GRM7: variants seen among roughly 807,000 people sequenced by gnomAD.
GRM7 encodes the protein metabotropic glutamate receptor 7.
In GRM7, 35 loss-of-function variants were observed where a neutral mutation model predicts 84.5. The observed-to-expected ratio is 0.41, with a 90% CI of 0.32 to 0.55. The LOEUF is 0.55. Among genes scored for constraint, GRM7 ranks in the 20% least tolerant of loss-of-function variants. The pLI is 0.19. For missense variants in GRM7, 1,003 were observed against 1,194.6 expected (o/e 0.84, Z 2.36); for synonymous variants, 487 against 455.1 (o/e 1.07, Z -0.89).
At chr3:7,627,158 T>G (rs1697653395) in intron 8 of GRM7, among the ~76,000 whole-genome samples, 1 of 152,178 alleles carries the variant, frequency 6.6e-6, no homozygotes. Flanking sequence ...AAACAGAGAT[T>G]GGAAGAGCTA....
At chr3:7,545,014 T>C (rs1377468051) in intron 7 of GRM7, among the ~76,000 whole-genome samples, 3 of 152,254 alleles carry the variant, frequency 2.0e-5, no homozygotes, top group Non-Finnish European at 2.9e-5. Flanking sequence ...GTTTGAACAG[T>C]ATCCTTAGCA....
intron 8 of GRM7, among the ~76,000 whole-genome samples, chr3:7,628,103 G>A (rs1438981096): frequency 6.6e-6 from 1 of 152,050 alleles, no homozygotes; most frequent in Non-Finnish European, 1.5e-5. Context: ...TCAAAGCACA[G>A]CTCTCAAAAT....
chr3:7,116,807 C>T (rs1693049266), intron 1 of GRM7, among the ~76,000 whole-genome samples: 1 of 152,046 alleles, frequency 6.6e-6, no homozygotes, highest in South Asian at 2.1e-4. Context: ...GCTTAATACT[C>T]ATATTTTTTA....
intron 8 of GRM7, among the ~76,000 whole-genome samples, chr3:7,586,235 A>C (rs532314843): frequency 6.6e-6 from 1 of 152,218 alleles, no homozygotes; most frequent in Admixed American, 6.5e-5. Flanking sequence ...GTGGGAATAT[A>C]AAACATGGTA....
chr3:7,215,650 GCGAGACTCTGT>G (rs1256963092), intron 2 of GRM7, among the ~76,000 whole-genome samples: 2 of 151,238 alleles, frequency 1.3e-5, no homozygotes, highest in African/African-American at 4.8e-5. Flanking sequence ...GGGCGACAGA[GCGAGACTCTGT>G]CTCAAAAAAA....
chr3:7,494,800 A>G (rs187913201), intron 7 of GRM7, among the ~76,000 whole-genome samples: 3 of 152,230 alleles, frequency 2.0e-5, no homozygotes, highest in Admixed American at 2.0e-4. Context: ...GTTCTTTTTC[A>G]TAATATTATT....
rs528955649 is a variant in GRM7 at position 6,902,323 on chromosome 3, G to A, written c.519+40416G>A. On this transcript the variant is annotated intron_variant, in intron 1 of 9. Coordinates refer to ENST00000357716, the MANE Select transcript of GRM7 (RefSeq NM_000844.4). ...TCCAAATTGCAAGCTGGAAGATTGT[G>A]TATGAATACAGAAAATGAAAAATTT... 1.4e-4 allele frequency among the ~76,000 whole-genome samples: 21 copies of A among 152,236 alleles called. No homozygotes were observed. In the South Asian group the frequency reaches 4.4e-3, roughly 32 times the overall value.
chr3:7,154,333 G>T (rs1694380008), intron 2 of GRM7, among the ~76,000 whole-genome samples: 1 of 152,142 alleles, frequency 6.6e-6, no homozygotes, highest in Non-Finnish European at 1.5e-5. Flanking sequence ...AATTACAAAG[G>T]ATGGGTTTCT....
intron 1 of GRM7, among the ~76,000 whole-genome samples, chr3:6,946,931 A>G (rs1008132574): frequency 2.0e-5 from 3 of 152,224 alleles, no homozygotes; most frequent in African/African-American, 7.2e-5. Context: ...GAAGTTGCTT[A>G]TCAGCTTAAG....
chr3:7,484,036 A>T (rs1482109947), intron 7 of GRM7, among the ~76,000 whole-genome samples: 1 of 152,186 alleles, frequency 6.6e-6, no homozygotes, highest in Non-Finnish European at 1.5e-5. Context: ...ACACTTTTTG[A>T]TGCAAAGATT....
intron 4 of GRM7, among the ~76,000 whole-genome samples, chr3:7,349,350 A>T (rs1693031445): frequency 6.6e-6 from 1 of 152,168 alleles, no homozygotes; most frequent in South Asian, 2.1e-4. Context: ...ATTAGCATAA[A>T]GTGGCCCAGC....
chr3:7,099,443 A>G (rs1245064735), intron 1 of GRM7, among the ~76,000 whole-genome samples: 1 of 149,194 alleles, frequency 6.7e-6, no homozygotes, highest in African/African-American at 2.5e-5. Context: ...TACATTATAC[A>G]TATGTACATG....
rs73123728 is a variant in GRM7 at position 7,705,720 on chromosome 3, G to C, written c.2698+25425G>C. 6.2e-3 allele frequency among the ~76,000 whole-genome samples: 945 copies of C among 152,276 alleles called. 7 individuals carry two copies. The highest frequency in any genetic ancestry group is 0.02 in the African/African-American group (847 of 41,558). On this transcript the variant is annotated intron_variant, in intron 9 of 9. Transcript: ENST00000357716. ...GAAAGGCCAGTGTGACTAGAGATAA[G>C]AGAGCCTCAGGAAGTGTGGTTCAAG...
chr3:7,026,678 A>G (rs1418252368), intron 1 of GRM7, among the ~76,000 whole-genome samples: 1 of 152,182 alleles, frequency 6.6e-6, no homozygotes, highest in African/African-American at 2.4e-5. Flanking sequence ...ATAATATCTG[A>G]TGATGTCAAC....
chr3:7,390,027 C>A (rs1241850831), intron 4 of GRM7, among the ~76,000 whole-genome samples: 2 of 152,024 alleles, frequency 1.3e-5, no homozygotes, highest in Admixed American at 1.3e-4. Context: ...GTTTCTTAAG[C>A]ATCTCTTGTT....
At chr3:7,431,030 A>G (rs1466991632) in intron 5 of GRM7, among the ~76,000 whole-genome samples, 1 of 152,056 alleles carries the variant, frequency 6.6e-6, no homozygotes, top group Non-Finnish European at 1.5e-5. Flanking sequence ...GGAGGGGCCC[A>G]GTGCGAACAT....
rs1396204445 is a variant in GRM7, at chr3:7,244,272, T to A, written c.737-54412T>A. On this transcript the variant is annotated intron_variant, in intron 2 of 9. Transcript: ENST00000357716. ...GACATATTGTACAGCTATGTACAGCTCTGTCAACATTTCTCAAATTACTTG... is the reference window on the plus strand; with the variant it reads ...GACATATTGTACAGCTATGTACAGCACTGTCAACATTTCTCAAATTACTTG... Among the ~76,000 whole-genome samples the A allele has an allele frequency of 3.9e-5, 6 of 152,250 alleles. No homozygotes were observed. In the East Asian group the frequency reaches 1.2e-3, roughly 29 times the overall value.
At position 6,865,547 on chromosome 3, in the gene GRM7, ATT is replaced by A. The variant is rs34434467; in HGVS notation, c.519+3654_519+3655del. 2.9e-3 allele frequency among the ~76,000 whole-genome samples: 424 copies of A among 146,122 alleles called. 2 individuals carry two copies. Among genetic ancestry groups the A allele is most frequent in the Middle Eastern group, 7.2e-3 (2 of 276 alleles). On this transcript the variant is annotated intron_variant, in intron 1 of 9. Transcript: ENST00000357716. Reference sequence around the variant, plus strand: ...ATTGAATGGCATCTGATTCAGGTGGATTTTTTTTTTTTTTTCCTCCCAAAGCA... The same window carrying A: ...ATTGAATGGCATCTGATTCAGGTGGATTTTTTTTTTTTTCCTCCCAAAGCA...
chr3:7,489,166 GTTCACCATAAGAAA>G (rs1440381831), intron 7 of GRM7, among the ~76,000 whole-genome samples: 1 of 151,998 alleles, frequency 6.6e-6, no homozygotes, highest in Non-Finnish European at 1.5e-5. Flanking sequence ...TTTGACTGTG[GTTCACCATAAGAAA>G]TATATTTTAC....
Sources: gnomAD v4.1 joint callset for allele counts (sites outside exome capture counted in the v4.1 genomes callset) on GRCh38, gnomAD v4.1.1 for gene constraint, MANE v1.5 for transcripts, NCBI Gene and HGNC (gene_info 2026-07-23, HGNC 2026-07-21) for gene names.